DMAP1: variants seen among roughly 807,000 people sequenced by gnomAD.
DMAP1 encodes DNA methyltransferase 1-associated protein 1.
In DMAP1, 26 loss-of-function variants were observed where a neutral mutation model predicts 52.7. The observed-to-expected ratio is 0.49, with a 90% CI of 0.36 to 0.68. The LOEUF (loss-of-function observed/expected upper bound fraction) is 0.68, where lower values mean the gene tolerates loss of function less well. Ranked by LOEUF, DMAP1 falls within the 30% of genes least tolerant of loss-of-function variation. The pLI is 0.00. For synonymous variants in DMAP1, 231 were observed against 246.0 expected (o/e 0.94, Z 0.57); for missense variants, 439 against 625.2 (o/e 0.70, Z 3.18).
chr1:44,215,435 C>T lies in DMAP1; in HGVS notation c.393+537C>T, dbSNP rs548165903. 2.1e-4 allele frequency: 89 copies of T among 432,268 alleles called. 2 individuals are homozygous for T. In the East Asian group the frequency reaches 5.8e-3, roughly 28 times the overall value. The allele number at this position is 432,268 out of a possible 1,614,324, so 26.8% of individuals were successfully genotyped here. A position where few individuals can be genotyped will look rare whatever the true frequency, so the allele number is the denominator to read the frequency against. ...TGCCCAAACCAGAAACTTGGGGGAT[C>T]GTCCTTGACTTAGTCTTCTCCCTTA... On this transcript the variant is annotated intron_variant, in intron 3 of 9. Coordinates refer to ENST00000372289, the MANE Select transcript of DMAP1 (RefSeq NM_019100.5).
At position 44,218,971 on chromosome 1, in the gene DMAP1, C is replaced by A; in HGVS notation, c.721-85C>A. ...ATCCATTACTTCTCAGATTCCCTCA[C>A]AGACAGCCCAGCACCCTGTCACCTC... On this transcript the variant is annotated intron_variant, in intron 5 of 9. Coordinates refer to ENST00000372289, the MANE Select transcript of DMAP1 (RefSeq NM_019100.5). The surrounding 1 kb of genome is among the most constrained non-coding windows in gnomAD (Gnocchi z 5.6). 2.6e-6 allele frequency: 4 copies of A among 1,532,456 alleles called. No homozygotes were observed. The highest frequency in any genetic ancestry group is 3.5e-6 in the Non-Finnish European group (4 of 1,127,204). The allele number at this position is 1,532,456 out of a possible 1,614,324, so 94.9% of individuals were successfully genotyped here. A position where few individuals can be genotyped will look rare whatever the true frequency, so the allele number is the denominator to read the frequency against.
chr1:44,217,603 TGA>T (rs1643820384), intron 3 of DMAP1: 1 of 159,282 alleles, frequency 6.3e-6, no homozygotes, highest in South Asian at 1.8e-4. Context: ...GAGCTAAGTT[TGA>T]GGTTCCTTGG....
In DMAP1 at chr1:44,219,569, CAGT is replaced by C. The variant is rs1489723614; in HGVS notation, c.978+95_978+97del. The C allele has an allele frequency of 2.2e-6, 3 of 1,342,060 alleles. No individual in the cohort carries two copies. In the Admixed American group the frequency reaches 7.2e-5, roughly 32 times the overall value. The allele number at this position is 1,342,060 out of a possible 1,614,324, so 83.1% of individuals were successfully genotyped here. Reference sequence around the variant, plus strand: ...ACGCTGCAGGCAGGTGGGGATGGAGCAGTAGGAGAGATTGCTGCAGACAGAGGT... The same window carrying C: ...ACGCTGCAGGCAGGTGGGGATGGAGCAGGAGAGATTGCTGCAGACAGAGGT... On this transcript the variant is annotated intron_variant, in intron 7 of 9. Coordinates refer to ENST00000372289, the MANE Select transcript of DMAP1 (RefSeq NM_019100.5).
rs374686166 is a variant in DMAP1, at chr1:44,219,254, C to T, written c.906+13C>T. Reference sequence around the variant, plus strand: ...GGCTGAGAAGCCGGTGCGGAGGTTCCGCCAGCCTAGCTCAGGGTGGAAGGG... The same window carrying T: ...GGCTGAGAAGCCGGTGCGGAGGTTCTGCCAGCCTAGCTCAGGGTGGAAGGG... On this transcript the variant is annotated intron_variant, in intron 6 of 9. Coordinates refer to ENST00000372289, the MANE Select transcript of DMAP1 (RefSeq NM_019100.5). 15 of 1,610,480 alleles carry T rather than the reference C, an allele frequency of 9.3e-6. No homozygotes were observed. The African/African-American group carries it at 1.2e-4, about 13-fold the overall frequency.
chr1:44,218,278 G>GCATGCCCC lies in DMAP1; in HGVS notation c.394-32_394-25dup, dbSNP rs1357817429. ...GCCTGCTGGACATGACATCATGCGG[G>GCATGCCCC]CATGCCCCTACTGTGTCCCTCTGTG... On this transcript the variant is annotated intron_variant, in intron 3 of 9. Coordinates refer to ENST00000372289, the MANE Select transcript of DMAP1 (RefSeq NM_019100.5). This position sits in a 1 kb window ranked among gnomAD's most constrained non-coding sequence, Gnocchi z 5.6. The GCATGCCCC allele has an allele frequency of 6.2e-7, 1 of 1,614,160 alleles. No homozygotes were observed. The highest frequency in any genetic ancestry group is 8.5e-7 in the Non-Finnish European group (1 of 1,179,962).
rs769752569 is a variant in DMAP1 at position 44,219,165 on chromosome 1, C to G, written c.830C>G (p.Thr277Ser). 68 of 1,614,092 alleles carry G rather than the reference C, an allele frequency of 4.2e-5. No homozygotes were observed. Among genetic ancestry groups the G allele is most frequent in the South Asian group, 1.1e-4 (10 of 91,084 alleles). ...DLQKLITAAD[T>S]TAEQRRTERK... is the part of the protein sequence containing the mutation. Reference sequence around the variant, plus strand: ...CAGAAGCTGATCACAGCGGCAGACACCACTGCAGAGCAGCGGCGCACGGAA... The same window carrying G: ...CAGAAGCTGATCACAGCGGCAGACAGCACTGCAGAGCAGCGGCGCACGGAA... Residue 277 changes from threonine (T) to serine (S), a missense_variant, in exon 6 of 10, where the codon ACC becomes AGC. By Grantham distance (58) the Thr-to-Ser change is moderately conservative. Coordinates refer to ENST00000372289, the MANE Select transcript of DMAP1 (RefSeq NM_019100.5).
chr1:44,218,695 T>C lies in DMAP1; in HGVS notation c.660T>C (p.Ala220=). The C allele has an allele frequency of 6.2e-7, 1 of 1,613,886 alleles. No individual in the cohort carries two copies. Among genetic ancestry groups the C allele is most frequent in the Non-Finnish European group, 8.5e-7 (1 of 1,179,836 alleles). The change falls in exon 5 of 10, where the codon GCT becomes GCC. Residue 220 remains alanine, a synonymous_variant. Coordinates refer to ENST00000372289, the MANE Select transcript of DMAP1 (RefSeq NM_019100.5). This position sits in a 1 kb window ranked among gnomAD's most constrained non-coding sequence, Gnocchi z 5.6. ...GTDLKIPVFD[A]GHERRRKEQL... ...ACCTTAAGATACCAGTATTTGATGC[T>C]GGGCACGAACGACGGCGGAAGGAAC...
At position 44,218,717 on chromosome 1, in the gene DMAP1, G is replaced by T; in HGVS notation, c.682G>T (p.Glu228Ter). The change falls in exon 5 of 10, where the codon GAA becomes TAA. Residue 228 changes from glutamate (E) to a stop codon, truncating the protein, a stop_gained. Transcript: ENST00000372289. LOFTEE classifies it high-confidence loss of function. The surrounding 1 kb of genome is among the most constrained non-coding windows in gnomAD (Gnocchi z 5.6). ...FDAGHERRRK[E>*]QLERLYNRTP... ...TGCTGGGCACGAACGACGGCGGAAG[G>T]AACAGCTTGAGCGTCTCTACAACCG... 1 of 1,613,248 alleles carries T rather than the reference G, an allele frequency of 6.2e-7. No homozygotes were observed. The highest frequency in any genetic ancestry group is 8.5e-7 in the Non-Finnish European group (1 of 1,179,424).
In DMAP1 at chr1:44,218,453, A is replaced by G; in HGVS notation, c.536A>G (p.Asp179Gly). The G allele has an allele frequency of 6.2e-7, 1 of 1,614,140 alleles. No homozygotes were observed. The highest frequency in any genetic ancestry group is 8.5e-7 in the Non-Finnish European group (1 of 1,180,000). ...LRFVVIHDRY[D>G]HQQFKKRSVE... ...TTTGTTGTTATCCATGACCGGTATG[A>G]CCACCAGCAGTTCAAGGTGAGCCAT... Residue 179 changes from aspartate (D) to glycine (G), a missense_variant, in exon 4 of 10, where the codon GAC becomes GGC. By Grantham distance (94) the Asp-to-Gly change is moderately conservative. Transcript: ENST00000372289. This position sits in a 1 kb window ranked among gnomAD's most constrained non-coding sequence, Gnocchi z 5.6.
chr1:44,219,339 G>T, intron 6 of DMAP1, 67 bp from the exon 7 acceptor site: 1 of 1,551,028 alleles, frequency 6.4e-7, no homozygotes. Context: ...GTGCTGATGG[G>T]GTGCTAGGAC....
chr1:44,218,777 T>C lies in DMAP1; in HGVS notation c.720+22T>C, dbSNP rs1287827206. On this transcript the variant is annotated intron_variant, in intron 5 of 9. Coordinates refer to ENST00000372289, the MANE Select transcript of DMAP1 (RefSeq NM_019100.5). This position sits in a 1 kb window ranked among gnomAD's most constrained non-coding sequence, Gnocchi z 5.6. Reference sequence around the variant, plus strand: ...GCAGGTAAGCCCAAGGCCACATACCTGTCCTCCATGCCCCAAACCCCTTGC... The same window carrying C: ...GCAGGTAAGCCCAAGGCCACATACCCGTCCTCCATGCCCCAAACCCCTTGC... The C allele has an allele frequency of 6.3e-7, 1 of 1,580,000 alleles. No homozygotes were observed. Among genetic ancestry groups the C allele is most frequent in the East Asian group, 2.3e-5 (1 of 44,368 alleles).
rs185871556 is a variant in DMAP1 at position 44,218,486 on chromosome 1, T to C, written c.552+17T>C. On this transcript the variant is annotated intron_variant, in intron 4 of 9. Transcript: ENST00000372289. This position sits in a 1 kb window ranked among gnomAD's most constrained non-coding sequence, Gnocchi z 5.6. The stretch of plus-strand genomic sequence containing the variant: ...CAGTTCAAGGTGAGCCATTGTGTAT[T>C]TGCATGGGTGCCCAGCTTCTGGGTC... The C allele has an allele frequency of 1.9e-4, 300 of 1,612,756 alleles. No individual in the cohort carries two copies. The African/African-American group carries it at 3.7e-3, about 20-fold the overall frequency.
At position 44,218,679 on chromosome 1, in the gene DMAP1, T is replaced by C. The variant is rs376072861; in HGVS notation, c.644T>C (p.Ile215Thr). The C allele has an allele frequency of 5.0e-6, 8 of 1,613,822 alleles. No homozygotes were observed. In the African/African-American group the frequency reaches 1.1e-4, roughly 22 times the overall value. The change falls in exon 5 of 10, where the codon ATA becomes ACA. Residue 215 changes from isoleucine (I) to threonine (T), a missense_variant. Ile to Thr is a moderately conservative substitution (Grantham distance 89, BLOSUM62 -1). Coordinates refer to ENST00000372289, the MANE Select transcript of DMAP1 (RefSeq NM_019100.5). The surrounding 1 kb of genome is among the most constrained non-coding windows in gnomAD (Gnocchi z 5.6). ...GCTGTGCCAGGCACAGACCTTAAGA[T>C]ACCAGTATTTGATGCTGGGCACGAA... ...VRAVPGTDLK[I>T]PVFDAGHERR...
intron 7 of DMAP1, 149 bp downstream of exon 7, chr1:44,219,626 C>T: frequency 1.8e-6 from 2 of 1,141,608 alleles, no homozygotes; most frequent in Non-Finnish European, 2.5e-6. Flanking sequence ...GTGATGTGGC[C>T]AGGCTAAGGT....
rs751108364 is a variant in DMAP1, at chr1:44,218,739, A to G, written c.704A>G (p.Asn235Ser). ...AAGGAACAGCTTGAGCGTCTCTACA[A>G]CCGGACCCCAGAGCAGGTAAGCCCA... ...RRKEQLERLY[N>S]RTPEQVAEEE... The change falls in exon 5 of 10, where the codon AAC (asparagine) becomes AGC (serine). Residue 235 changes from asparagine (N) to serine (S), a missense_variant. This residue lies in a region of DMAP1 where 142 missense variants were observed against 149.5 expected (regional missense o/e 0.95). Coordinates refer to ENST00000372289, the MANE Select transcript of DMAP1 (RefSeq NM_019100.5). The surrounding 1 kb of genome is among the most constrained non-coding windows in gnomAD (Gnocchi z 5.6). The G allele has an allele frequency of 4.4e-6, 7 of 1,608,644 alleles. No individual in the cohort carries two copies. The African/African-American group carries it at 6.7e-5, about 15-fold the overall frequency.
chr1:44,218,327 T>C lies in DMAP1; in HGVS notation c.410T>C (p.Val137Ala). Reference sequence around the variant, plus strand: ...TGCTAGTAGACTGTGCAGGTGCCTGTGTACTCGGAGCAGGAGTACCAGCTT... The same window carrying C: ...TGCTAGTAGACTGTGCAGGTGCCTGCGTACTCGGAGCAGGAGTACCAGCTT... ...ARFNKTVQVP[V>A]YSEQEYQLYL... Residue 137 changes from valine (V) to alanine (A), a missense_variant, in exon 4 of 10, where the codon GTG becomes GCG. By Grantham distance (64) the Val-to-Ala change is moderately conservative. Transcript: ENST00000372289. This position sits in a 1 kb window ranked among gnomAD's most constrained non-coding sequence, Gnocchi z 5.6. 1.2e-6 allele frequency: 2 copies of C among 1,614,248 alleles called. No homozygotes were observed. The highest frequency in any genetic ancestry group is 1.7e-6 in the Non-Finnish European group (2 of 1,180,038).
chr1:44,216,076 A>G (rs1348495600), intron 3 of DMAP1: 5 of 152,240 alleles, frequency 3.3e-5, no homozygotes, highest in African/African-American at 1.2e-4. Context: ...ATGAGCTTTG[A>G]GAGGCTAGGA....
intron 3 of DMAP1, chr1:44,216,800 G>A (rs942361532): frequency 1.3e-5 from 2 of 152,338 alleles, no homozygotes; most frequent in Non-Finnish European, 2.9e-5. Flanking sequence ...GCTGCAGGAG[G>A]AGGCCAGGTC....
intron 3 of DMAP1, chr1:44,215,514 CAACA>C (rs1336431214): frequency 3.0e-6 from 1 of 337,394 alleles, no homozygotes; most frequent in Non-Finnish European, 5.9e-6. Flanking sequence ...GGAAAACAAA[CAACA>C]AACATGTAAG....
Sources: gnomAD v4.1 joint callset for allele counts on GRCh38, gnomAD v4.1.1 for gene constraint, gnomAD v4.1.1 regional missense constraint, Gnocchi (gnomAD v3.1) non-coding constraint, MANE v1.5 for transcripts, NCBI Gene and HGNC (gene_info 2026-07-23, HGNC 2026-07-21) for gene names.